The following FAM120C variants were observed in gnomAD, a reference collection of about 807,000 sequenced individuals.
The protein encoded by FAM120C is family with sequence similarity 120 member C, also known as constitutive coactivator of PPAR-gamma-like protein 2.
FAM120C carries 14 observed loss-of-function variants against 71.2 expected under a neutral mutation model. The observed-to-expected ratio is 0.20, with a 90% CI of 0.13 to 0.31. The LOEUF (loss-of-function observed/expected upper bound fraction) is 0.31, where lower values mean the gene tolerates loss of function less well. Ranked by LOEUF, FAM120C falls within the 10% of genes least tolerant of loss-of-function variation. The probability of loss-of-function intolerance (pLI) is 1.00; values close to 1 mark genes in which losing one functional copy is unlikely to be tolerated. For synonymous variants in FAM120C, 354 were observed against 353.2 expected, an observed-to-expected ratio of 1.00 and a Z score of -0.03; for missense variants, 500 against 879.0, an observed-to-expected ratio of 0.57 and a Z score of 5.45.
At chrX:54,159,306 C>T (rs1473239732) in intron 2 of FAM120C, 64 bp downstream of exon 2, 1 of 1,171,715 alleles carries the variant, frequency 8.5e-7, no homozygotes, top group Non-Finnish European at 1.2e-6. Flanking sequence ...CACTCTAGTC[C>T]TCATCTCTTA....
intron 4 of FAM120C, among the ~76,000 whole-genome samples, chrX:54,148,401 C>G (rs1557132630): frequency 8.9e-6 from 1 of 111,763 alleles, no homozygotes; most frequent in East Asian, 2.8e-4. Flanking sequence ...AATCCCAGCA[C>G]TTTGGGAGGC....
intron 10 of FAM120C, among the ~76,000 whole-genome samples, chrX:54,109,989 A>G (rs2066927331): frequency 9.5e-6 from 1 of 105,058 alleles, no homozygotes; most frequent in South Asian, 4.3e-4. Flanking sequence ...TTATAGAAGT[A>G]TAAGAAAACG....
intron 10 of FAM120C, 107 bp downstream of exon 10, chrX:54,116,437 TA>T: frequency 1.1e-6 from 1 of 928,442 alleles, no homozygotes; most frequent in Non-Finnish European, 1.5e-6. Context: ...AAGCCAAACA[TA>T]AAATAAAAAT....
chrX:54,097,659 T>C (rs1557123523), intron 10 of FAM120C, among the ~76,000 whole-genome samples: 3 of 112,230 alleles, frequency 2.7e-5, no homozygotes, highest in Admixed American at 9.6e-5. Context: ...ATAGATACAG[T>C]CACAGTTACT....
At chrX:54,112,480 C>T (rs1200228509) in intron 10 of FAM120C, among the ~76,000 whole-genome samples, 2 of 109,560 alleles carry the variant, frequency 1.8e-5, no homozygotes, top group South Asian at 4.0e-4. Context: ...CTGAGACGGG[C>T]GGATCACCTG....
chrX:54,153,630 T>C (rs1356550463), intron 3 of FAM120C, among the ~76,000 whole-genome samples: 12 of 105,968 alleles, frequency 1.1e-4, no homozygotes, highest in African/African-American at 4.1e-4. Flanking sequence ...TGCAGTGGCA[T>C]GATCTCGGCT....
intron 1 of FAM120C, among the ~76,000 whole-genome samples, chrX:54,170,309 G>A (rs1408139361): frequency 2.7e-5 from 3 of 110,179 alleles, no homozygotes; most frequent in Non-Finnish European, 3.8e-5. Context: ...GCTAATTTTT[G>A]TATTTCTAGT....
intron 1 of FAM120C, among the ~76,000 whole-genome samples, chrX:54,178,953 T>C (rs1603366202): frequency 2.7e-5 from 3 of 112,212 alleles, no homozygotes; most frequent in African/African-American, 9.7e-5. Context: ...TCTGATGTGC[T>C]GATCATTTTT....
At chrX:54,096,113 T>C (rs1457686334) in intron 10 of FAM120C, among the ~76,000 whole-genome samples, 3 of 110,660 alleles carry the variant, frequency 2.7e-5, no homozygotes, top group African/African-American at 9.8e-5. Flanking sequence ...GAAAAAAATA[T>C]TAATAAGAAA....
At chrX:54,117,738 A>T in intron 9 of FAM120C, among the ~76,000 whole-genome samples, 1 of 110,920 alleles carries the variant, frequency 9.0e-6, no homozygotes, top group Admixed American at 9.7e-5. Context: ...TTGGAGAAAT[A>T]AATCAAGGTC....
chrX:54,104,338 T>C (rs1569531921), intron 10 of FAM120C, among the ~76,000 whole-genome samples: 1 of 111,986 alleles, frequency 8.9e-6, no homozygotes, highest in East Asian at 2.8e-4. Context: ...TTGAGGAGTA[T>C]AGGCTCCTAG....
At chrX:54,160,554 T>C (rs1557134308) in intron 1 of FAM120C, among the ~76,000 whole-genome samples, 1 of 111,642 alleles carries the variant, frequency 9.0e-6, no homozygotes, top group Non-Finnish European at 1.9e-5. Context: ...GTACTCTTCC[T>C]GTACATGCCT....
chrX:54,135,263 C>T (rs1217739167), intron 6 of FAM120C, 152 bp from the exon 7 acceptor site: 9 of 573,680 alleles, frequency 1.6e-5, no homozygotes, highest in African/African-American at 2.3e-5. Context: ...GATGTATGAA[C>T]AGAATCCTCC....
At position 54,105,634 on chromosome X, in the gene FAM120C, T is replaced by C. The variant is rs1414204962; in HGVS notation, c.2312+10911A>G. On this transcript the variant is annotated intron_variant, in intron 10 of 15. Coordinates refer to ENST00000375180, the MANE Select transcript of FAM120C (RefSeq NM_017848.6). ...AAGTCAAATTGTCCCTGTTTGCAGA[T>C]GACATGATTGTATATTTAGAAAACC... 5.4e-5 allele frequency among the ~76,000 whole-genome samples: 6 copies of C among 112,008 alleles called. No individual in the cohort carries two copies. The East Asian group carries it at 1.1e-3, about 21-fold the overall frequency.
chrX:54,154,755 T>C (rs933784932), intron 3 of FAM120C, among the ~76,000 whole-genome samples: 3 of 111,444 alleles, frequency 2.7e-5, no homozygotes, highest in Non-Finnish European at 5.6e-5. Context: ...CTATTGGATA[T>C]GTAAATGAAA....
rs77991579 is a variant in FAM120C at position 54,128,222 on chromosome X, C to T, written c.2062+4470G>A. 2.7e-5 allele frequency among the ~76,000 whole-genome samples: 3 copies of T among 110,267 alleles called. No individual in the cohort carries two copies. The Admixed American group carries it at 2.9e-4, about 11-fold the overall frequency. On this transcript the variant is annotated intron_variant, in intron 9 of 15. Transcript: ENST00000375180. ...TACAAGTGTGTGCCACCATGCCCAG[C>T]TAATTTATTGTGTTTTTAGTAGAGA...
At chrX:54,111,862 G>A (rs920202510) in intron 10 of FAM120C, among the ~76,000 whole-genome samples, 2 of 111,787 alleles carry the variant, frequency 1.8e-5, no homozygotes, top group Non-Finnish European at 3.8e-5. Context: ...AGCCGGAGGC[G>A]TCACATTACC....
intron 10 of FAM120C, among the ~76,000 whole-genome samples, chrX:54,105,667 C>T (rs1453064224): frequency 6.3e-5 from 7 of 111,944 alleles, no homozygotes; most frequent in Non-Finnish European, 9.4e-5. Flanking sequence ...ACCCCATCAT[C>T]TCAGCCCCAA....
chrX:54,127,765 A>T (rs1014329100), intron 9 of FAM120C, among the ~76,000 whole-genome samples: 50 of 107,394 alleles, frequency 4.7e-4, no homozygotes, highest in Middle Eastern at 4.8e-3. Flanking sequence ...ATTAAAAAAA[A>T]TTTTTTTTTG....
Sources: gnomAD v4.1 joint callset for allele counts (sites outside exome capture counted in the v4.1 genomes callset) on GRCh38, gnomAD v4.1.1 for gene constraint, MANE v1.5 for transcripts, NCBI Gene and HGNC (gene_info 2026-07-23, HGNC 2026-07-21) for gene names.